RERG: variants seen among roughly 807,000 people sequenced by gnomAD.
RERG encodes the protein RAS like estrogen regulated growth inhibitor.
RERG carries 25 observed loss-of-function variants against 23.2 expected under a neutral mutation model. That is an observed-to-expected ratio of 1.08 (90% CI 0.79 to 1.50). RERG has a LOEUF of 1.50. Among genes scored for constraint, RERG ranks in the 40% most tolerant of loss-of-function variants. The pLI, the probability that RERG is intolerant of heterozygous loss-of-function variation, is 0.00. For missense variants in RERG, 253 were observed against 250.1 expected, an observed-to-expected ratio of 1.01 and a Z score of -0.08; for synonymous variants, 81 against 89.1, an observed-to-expected ratio of 0.91 and a Z score of 0.51.
At chr12:15,186,661 A>G (rs1423199422) in intron 2 of RERG, among the ~76,000 whole-genome samples, 1 of 152,184 alleles carries the variant, frequency 6.6e-6, no homozygotes, top group African/African-American at 2.4e-5. Flanking sequence ...ACAAAGAAAG[A>G]TTTGGAGGCC....
intron 3 of RERG, among the ~76,000 whole-genome samples, chr12:15,113,409 T>G (rs748649190): frequency 1.2e-4 from 18 of 151,980 alleles, no homozygotes; most frequent in Non-Finnish European, 2.5e-4. Context: ...GCCATTAAAT[T>G]AAGAGAGACA....
intron 2 of RERG, among the ~76,000 whole-genome samples, chr12:15,166,853 G>T (rs59650885): frequency 4.3e-4 from 59 of 137,634 alleles, no homozygotes; most frequent in African/African-American, 1.1e-3. Context: ...ATTGTTTTTT[G>T]TTTTTTTTTT....
intron 2 of RERG, among the ~76,000 whole-genome samples, chr12:15,150,137 A>G (rs1182559003): frequency 1.3e-5 from 2 of 152,176 alleles, no homozygotes; most frequent in African/African-American, 2.4e-5. Context: ...ATTAGAAGGG[A>G]GCTTAGTAGT....
At chr12:15,139,692 T>G (rs1279417500) in intron 2 of RERG, among the ~76,000 whole-genome samples, 1 of 152,172 alleles carries the variant, frequency 6.6e-6, no homozygotes, top group African/African-American at 2.4e-5. Flanking sequence ...TATAATTACT[T>G]ATTAATTCCA....
At chr12:15,185,449 G>C (rs1028213222) in intron 2 of RERG, among the ~76,000 whole-genome samples, 1 of 152,016 alleles carries the variant, frequency 6.6e-6, no homozygotes. Context: ...CCTGCTCTTA[G>C]AATCCCTCAC....
At chr12:15,172,508 G>A (rs1864791174) in intron 2 of RERG, among the ~76,000 whole-genome samples, 1 of 151,996 alleles carries the variant, frequency 6.6e-6, no homozygotes, top group Non-Finnish European at 1.5e-5. Flanking sequence ...AGAATTGCTT[G>A]GTCATCTGGT....
chr12:15,220,878 AT>A (rs1865503371), intron 1 of RERG, among the ~76,000 whole-genome samples: 1 of 152,196 alleles, frequency 6.6e-6, no homozygotes, highest in Admixed American at 6.5e-5. Flanking sequence ...CCCCTTGGCT[AT>A]TTAATGTTGC....
intron 2 of RERG, among the ~76,000 whole-genome samples, chr12:15,165,168 C>T (rs1405745755): frequency 6.6e-6 from 1 of 152,154 alleles, no homozygotes; most frequent in Non-Finnish European, 1.5e-5. Flanking sequence ...TCCTGCTGAG[C>T]CCTGGCTGCA....
intron 2 of RERG, among the ~76,000 whole-genome samples, chr12:15,211,874 A>G (rs1161406447): frequency 6.6e-6 from 1 of 152,008 alleles, no homozygotes; most frequent in African/African-American, 2.4e-5. Flanking sequence ...TTAGAAAATA[A>G]TGCTCCAAAA....
At chr12:15,119,273 A>G (rs536474236) in intron 3 of RERG, among the ~76,000 whole-genome samples, 11 of 152,336 alleles carry the variant, frequency 7.2e-5, no homozygotes, top group Admixed American at 1.3e-4. Flanking sequence ...TGATGCAGGC[A>G]GATTACTATT....
chr12:15,121,679 G>A (rs781098039), intron 2 of RERG, among the ~76,000 whole-genome samples: 25 of 152,200 alleles, frequency 1.6e-4, no homozygotes, highest in Non-Finnish European at 3.2e-4. Flanking sequence ...ACGATGCTAC[G>A]CAGTTTGCTT....
intron 2 of RERG, among the ~76,000 whole-genome samples, chr12:15,131,814 C>T (rs1227462796): frequency 1.3e-5 from 2 of 152,126 alleles, no homozygotes; most frequent in Non-Finnish European, 2.9e-5. Flanking sequence ...TAGGCTGTGC[C>T]CACGGATTCT....
At chr12:15,162,617 CA>C (rs1386414288) in intron 2 of RERG, among the ~76,000 whole-genome samples, 9 of 152,284 alleles carry the variant, frequency 5.9e-5, no homozygotes, top group Non-Finnish European at 1.3e-4. Context: ...TGAGAAAAGG[CA>C]GCAGAGAAGC....
At chr12:15,161,212 AAG>A (rs1033556935) in intron 2 of RERG, among the ~76,000 whole-genome samples, 1 of 134,972 alleles carries the variant, frequency 7.4e-6, no homozygotes, top group African/African-American at 2.6e-5. Context: ...GAAAGAAAGA[AAG>A]AAAGAAAGAA....
Position 15,196,994 on chromosome 12 carries a change from T to C in RERG, c.61+20435A>G, listed in dbSNP as rs190565125. Among the ~76,000 whole-genome samples, 129 of 152,278 alleles carry C rather than the reference T, an allele frequency of 8.5e-4. 1 individual carries two copies. The highest frequency in any genetic ancestry group is 2.5e-4 in the Non-Finnish European group (17 of 68,010). ...ACAGGTCCTGGGCTTCAGTTTCATG[T>C]ATAATGAGAGCTAACTTTGAGTATT... On this transcript the variant is annotated intron_variant, in intron 2 of 4. Coordinates refer to ENST00000256953, the MANE Select transcript of RERG (RefSeq NM_032918.3).
chr12:15,124,926 A>AT (rs35319595), intron 2 of RERG, among the ~76,000 whole-genome samples: 103,397 of 151,632 alleles, frequency 0.68, 35,375 homozygotes, highest in Admixed American at 0.75. Context: ...TGCCTTTTGA[A>AT]TTTTGTCTAT....
intron 2 of RERG, among the ~76,000 whole-genome samples, chr12:15,207,585 C>T (rs1166648045): frequency 1.3e-5 from 2 of 152,152 alleles, no homozygotes; most frequent in Non-Finnish European, 2.9e-5. Context: ...AGCAAAATCA[C>T]AGTTGTGCTC....
chr12:15,188,783 T>A (rs1865028419), intron 2 of RERG, among the ~76,000 whole-genome samples: 1 of 152,170 alleles, frequency 6.6e-6, no homozygotes, highest in East Asian at 1.9e-4. Context: ...TTATAGTCCT[T>A]AGAGATAAGT....
chr12:15,148,192 C>T (rs1864366082), intron 2 of RERG, among the ~76,000 whole-genome samples: 1 of 151,940 alleles, frequency 6.6e-6, no homozygotes, highest in South Asian at 2.1e-4. Flanking sequence ...AGAAAACATC[C>T]AAAATACAAG....
Sources: allele counts gnomAD v4.1 joint callset (sites outside exome capture counted in the v4.1 genomes callset), GRCh38; gene constraint gnomAD v4.1.1; transcripts MANE v1.5; gene names NCBI Gene and HGNC (gene_info 2026-07-23, HGNC 2026-07-21).